The following CCDC91 variants were observed in gnomAD, a reference collection of about 807,000 sequenced individuals.
CCDC91 encodes the protein coiled-coil domain-containing protein 91.
CCDC91 carries 48 observed loss-of-function variants against 63.2 expected under a neutral mutation model. That is an observed-to-expected ratio of 0.76 (90% CI 0.60 to 0.97). The LOEUF (loss-of-function observed/expected upper bound fraction) is 0.97. Ranked by LOEUF, CCDC91 falls within the 50% of genes least tolerant of loss-of-function variation. The probability of loss-of-function intolerance (pLI) is 0.00; values close to 1 mark genes in which losing one functional copy is unlikely to be tolerated. For synonymous variants in CCDC91, 167 were observed against 165.8 expected (o/e 1.01, Z -0.06); for missense variants, 500 against 494.6 (o/e 1.01, Z -0.10).
At chr12:28,201,027 T>G (rs56095983) in intron 1 of CCDC91, among the ~76,000 whole-genome samples, 2 of 113,108 alleles carry the variant, frequency 1.8e-5, no homozygotes, top group Admixed American at 8.0e-5. Context: ...CCCTCCCGGA[T>G]GGGGCGGCTG....
intron 8 of CCDC91, among the ~76,000 whole-genome samples, chr12:28,397,280 G>T (rs1467488705): frequency 2.0e-5 from 3 of 152,130 alleles, no homozygotes; most frequent in African/African-American, 7.2e-5. Context: ...AGTGGTGGAA[G>T]AACAAAGTAG....
chr12:28,400,723 C>G (rs1465759591), intron 8 of CCDC91, among the ~76,000 whole-genome samples: 1 of 152,162 alleles, frequency 6.6e-6, no homozygotes, highest in Non-Finnish European at 1.5e-5. Flanking sequence ...ATTTCTTCCA[C>G]TAGATATGCT....
At chr12:28,418,511 C>G (rs1947812033) in intron 8 of CCDC91, among the ~76,000 whole-genome samples, 1 of 152,018 alleles carries the variant, frequency 6.6e-6, no homozygotes, top group South Asian at 2.1e-4. Context: ...ACCATCTACT[C>G]AAAATTATTT....
chr12:28,319,005 T>A (rs1940201753), intron 6 of CCDC91, among the ~76,000 whole-genome samples: 1 of 151,958 alleles, frequency 6.6e-6, no homozygotes, highest in African/African-American at 2.4e-5. Context: ...AAATTATATT[T>A]TAATACCACC....
intron 12 of CCDC91, among the ~76,000 whole-genome samples, chr12:28,512,950 T>C (rs1175995360): frequency 6.6e-6 from 1 of 151,904 alleles, no homozygotes; most frequent in Non-Finnish European, 1.5e-5. Flanking sequence ...CATGCTGTAC[T>C]TCTTTAAGTC....
rs76962715 is a variant in CCDC91 at position 28,352,329 on chromosome 12, C to A, written c.577-10109C>A. Among the ~76,000 whole-genome samples the A allele has an allele frequency of 2.1e-3, 326 of 152,284 alleles. 3 individuals carry two copies. Among genetic ancestry groups the A allele is most frequent in the African/African-American group, 7.4e-3 (308 of 41,548 alleles). On this transcript the variant is annotated intron_variant, in intron 6 of 12. Transcript: ENST00000536442. ...ATGAAGTTTGCTGCATCTATTGACT[C>A]TTGCTTTCATGAAAGAGTCCTCTGT...
At chr12:28,504,422 T>C (rs1938444670) in intron 12 of CCDC91, among the ~76,000 whole-genome samples, 1 of 151,944 alleles carries the variant, frequency 6.6e-6, no homozygotes, top group African/African-American at 2.4e-5. Context: ...GAAATGGGAA[T>C]TAACCAAGCT....
chr12:28,533,535 T>A (rs1460422690), intron 12 of CCDC91, among the ~76,000 whole-genome samples: 1 of 152,060 alleles, frequency 6.6e-6, no homozygotes, highest in Non-Finnish European at 1.5e-5. Flanking sequence ...AATTACTTAT[T>A]ATTGGTAACT....
At chr12:28,200,700 C>T (rs947271407) in intron 1 of CCDC91, among the ~76,000 whole-genome samples, 21 of 151,914 alleles carry the variant, frequency 1.4e-4, no homozygotes, top group East Asian at 7.7e-4. Flanking sequence ...AGCAACCATC[C>T]GATTTCTCAA....
At position 28,278,392 on chromosome 12, in the gene CCDC91, A is replaced by G. The variant is rs545467810; in HGVS notation, c.109+18950A>G. Among the ~76,000 whole-genome samples the G allele has an allele frequency of 4.6e-5, 7 of 152,162 alleles. No individual in the cohort carries two copies. In the South Asian group the frequency reaches 8.3e-4, roughly 18 times the overall value. On this transcript the variant is annotated intron_variant, in intron 3 of 12. Coordinates refer to ENST00000536442, the MANE Select transcript of CCDC91 (RefSeq NM_018318.5). ...TGAAATCTTTTAATTGAAGATATCC[A>G]GATTTATGCCATCATTCTTGACCCT...
chr12:28,284,758 A>G (rs1295770573), intron 3 of CCDC91, among the ~76,000 whole-genome samples: 1 of 152,146 alleles, frequency 6.6e-6, no homozygotes, highest in Non-Finnish European at 1.5e-5. Context: ...ATATGTTGGG[A>G]TGAAAGTAGC....
intron 8 of CCDC91, among the ~76,000 whole-genome samples, chr12:28,439,425 A>G (rs139648745): frequency 1.3e-5 from 2 of 152,306 alleles, no homozygotes; most frequent in African/African-American, 2.4e-5. Flanking sequence ...GAGTGTGTTT[A>G]AGACAATCTT....
In CCDC91 at chr12:28,549,444, A is replaced by G. The variant is rs1316111970; in HGVS notation, c.*271A>G. ...CCCAAAAGCCATTGTAAAGTGCCAC[A>G]TTACCAAAATTAATTAAGTAAACTT... On this transcript the variant is annotated 3_prime_UTR_variant, in exon 13 of 13. Transcript: ENST00000536442. The G allele has an allele frequency of 1.4e-5, 3 of 213,782 alleles. No homozygotes were observed. The highest frequency in any genetic ancestry group is 4.6e-5 in the African/African-American group (2 of 43,350). The allele number at this position is 213,782 out of a possible 1,614,324, so 13.2% of individuals were successfully genotyped here. A position where few individuals can be genotyped will look rare whatever the true frequency, so the allele number is the denominator to read the frequency against.
At chr12:28,226,514 GTGGTTTTATTCT>G (rs2135746887) in intron 1 of CCDC91, among the ~76,000 whole-genome samples, 1 of 152,134 alleles carries the variant, frequency 6.6e-6, no homozygotes, top group African/African-American at 2.4e-5. Flanking sequence ...ATGGTTTTCT[GTGGTTTTATTCT>G]TGGCCTACTT....
At chr12:28,445,429 A>G (rs1165167897) in intron 8 of CCDC91, among the ~76,000 whole-genome samples, 1 of 152,208 alleles carries the variant, frequency 6.6e-6, no homozygotes, top group Non-Finnish European at 1.5e-5. Flanking sequence ...CAGGTGTACA[A>G]TTATCAACTA....
intron 1 of CCDC91, among the ~76,000 whole-genome samples, chr12:28,237,344 T>C (rs931577577): frequency 2.0e-5 from 3 of 151,952 alleles, no homozygotes; most frequent in Admixed American, 6.6e-5. Flanking sequence ...AGTGTTACCT[T>C]GTGTGGAAAA....
intron 3 of CCDC91, among the ~76,000 whole-genome samples, chr12:28,279,172 G>A (rs1948434271): frequency 6.6e-6 from 1 of 150,862 alleles, no homozygotes; most frequent in Non-Finnish European, 1.5e-5. Flanking sequence ...TTTTAAATAT[G>A]ATGTAATCCT....
At chr12:28,211,046 G>T (rs1175039314) in intron 1 of CCDC91, among the ~76,000 whole-genome samples, 1 of 149,050 alleles carries the variant, frequency 6.7e-6, no homozygotes, top group Non-Finnish European at 1.5e-5. Context: ...CACGTATTTT[G>T]TCCTAAGGTA....
At chr12:28,361,322 C>G (rs1265924499) in intron 6 of CCDC91, among the ~76,000 whole-genome samples, 6 of 151,886 alleles carry the variant, frequency 4.0e-5, no homozygotes, top group African/African-American at 1.5e-4. Flanking sequence ...CTAAAGCTAT[C>G]TCTCCCCACT....
Sources: allele counts gnomAD v4.1 joint callset (sites outside exome capture counted in the v4.1 genomes callset), GRCh38; gene constraint gnomAD v4.1.1; transcripts MANE v1.5; gene names NCBI Gene and HGNC (gene_info 2026-07-23, HGNC 2026-07-21).